The following NFIA variants were observed in gnomAD, a reference collection of about 807,000 sequenced individuals.
NFIA encodes the protein nuclear factor I A, also known as nuclear factor 1 A-type.
Under a neutral mutation model 62.8 loss-of-function variants are expected in NFIA, and 8 were observed. The ratio of observed to expected loss-of-function variants is 0.13; its 90% CI spans 0.07 to 0.23. The LOEUF is 0.23. NFIA is among the 10% of genes least tolerant of loss of function. The pLI is 1.00. For synonymous variants in NFIA, 235 were observed against 238.1 expected, an observed-to-expected ratio of 0.99 and a Z score of 0.12; for missense variants, 410 against 642.1, an observed-to-expected ratio of 0.64 and a Z score of 3.91.
chr1:61,177,843 CTT>C (rs1170279192), intron 2 of NFIA, among the ~76,000 whole-genome samples: 1 of 152,104 alleles, frequency 6.6e-6, no homozygotes, highest in African/African-American at 2.4e-5. Flanking sequence ...CATTTGCAAA[CTT>C]TATTTTTTGC....
intron 9 of NFIA, among the ~76,000 whole-genome samples, chr1:61,414,767 A>G (rs916335107): frequency 1.8e-4 from 28 of 152,172 alleles, no homozygotes; most frequent in Non-Finnish European, 2.2e-4. Flanking sequence ...AGTGGCTTCC[A>G]TTCGCGGAAC....
intron 3 of NFIA, among the ~76,000 whole-genome samples, chr1:61,309,032 A>G (rs560547827): frequency 4.8e-4 from 73 of 152,346 alleles, no homozygotes; most frequent in Admixed American, 1.5e-3. Context: ...TTCCATTTGC[A>G]CACTCATCAG....
intron 3 of NFIA, among the ~76,000 whole-genome samples, chr1:61,290,358 T>A (rs1658798122): frequency 6.6e-6 from 1 of 152,194 alleles, no homozygotes; most frequent in Non-Finnish European, 1.5e-5. Context: ...ATTCCCCATT[T>A]TTTGTGCAGT....
chr1:61,225,282 C>T (rs540779915), intron 2 of NFIA, among the ~76,000 whole-genome samples: 2 of 150,296 alleles, frequency 1.3e-5, no homozygotes, highest in South Asian at 2.1e-4. Flanking sequence ...GACTGAGTCT[C>T]GCTTTGTTGC....
chr1:61,140,696 C>T (rs867401605), intron 2 of NFIA, among the ~76,000 whole-genome samples: 2 of 152,130 alleles, frequency 1.3e-5, no homozygotes, highest in Non-Finnish European at 2.9e-5. Context: ...GCTATTACCT[C>T]TGGGCATTCT....
chr1:61,137,323 A>G (rs1647215557), intron 2 of NFIA, among the ~76,000 whole-genome samples: 1 of 152,200 alleles, frequency 6.6e-6, no homozygotes, highest in Non-Finnish European at 1.5e-5. Context: ...AATTTTGCAG[A>G]TAAGGAAAAA....
chr1:61,271,569 C>T (rs913493792), intron 2 of NFIA, among the ~76,000 whole-genome samples: 1 of 152,074 alleles, frequency 6.6e-6, no homozygotes, highest in Non-Finnish European at 1.5e-5. Context: ...AGCTGGCAGC[C>T]CCCAGGGTGG....
chr1:61,340,767 A>AT (rs112203732), intron 4 of NFIA, among the ~76,000 whole-genome samples: 6,310 of 152,268 alleles, frequency 0.041, 438 homozygotes, highest in African/African-American at 0.14. Context: ...CTAACAACCA[A>AT]TTATTAGAAG....
At chr1:61,438,852 G>A (rs186912975) in intron 10 of NFIA, among the ~76,000 whole-genome samples, 1 of 152,094 alleles carries the variant, frequency 6.6e-6, no homozygotes, top group Admixed American at 6.5e-5. Flanking sequence ...TTCTAATGGG[G>A]TGGTGATCCT....
chr1:61,086,368 C>T (rs546851994), intron 1 of NFIA, among the ~76,000 whole-genome samples: 14 of 152,196 alleles, frequency 9.2e-5, no homozygotes, highest in African/African-American at 3.4e-4. Flanking sequence ...GTGACTTGCC[C>T]CCCATGCCTG....
chr1:61,405,796 C>T (rs1187067880), intron 8 of NFIA, among the ~76,000 whole-genome samples: 7 of 152,238 alleles, frequency 4.6e-5, no homozygotes, highest in Middle Eastern at 3.4e-3. Flanking sequence ...TTTTATTGCT[C>T]TCTTTGGAGG....
At chr1:61,350,425 G>A (rs1417790221) in intron 4 of NFIA, among the ~76,000 whole-genome samples, 1 of 152,074 alleles carries the variant, frequency 6.6e-6, no homozygotes, top group African/African-American at 2.4e-5. Flanking sequence ...TAGACTGGAA[G>A]TTCAATACCA....
intron 2 of NFIA, among the ~76,000 whole-genome samples, chr1:61,230,587 C>T (rs543244719): frequency 2.1e-3 from 326 of 152,302 alleles, no homozygotes; most frequent in Non-Finnish European, 3.5e-3. Context: ...CCCAGTCTTT[C>T]CCAATCATCT....
At chr1:61,232,037 C>T (rs1483051333) in intron 2 of NFIA, among the ~76,000 whole-genome samples, 1 of 152,058 alleles carries the variant, frequency 6.6e-6, no homozygotes, top group African/African-American at 2.4e-5. Context: ...TTTTCAGTTT[C>T]TTGATTGAGG....
At chr1:61,082,879 C>CT (rs755910792) in intron 1 of NFIA, 61 bp downstream of exon 1, 1 of 799,456 alleles carries the variant, frequency 1.3e-6, no homozygotes. Context: ...AGGGCTGGGG[C>CT]TGGGTGGGGG....
intron 2 of NFIA, among the ~76,000 whole-genome samples, chr1:61,209,667 T>TACAACAACAACAACA (rs71756240): frequency 2.0e-5 from 3 of 147,988 alleles, no homozygotes; most frequent in African/African-American, 5.0e-5. Context: ...CTATGAAAAA[T>TACAACAACAACAACA]ACAACAACAA....
chr1:61,167,682 A>G (rs1243247774), intron 2 of NFIA, among the ~76,000 whole-genome samples: 1 of 152,248 alleles, frequency 6.6e-6, no homozygotes, highest in Non-Finnish European at 1.5e-5. Context: ...TAGAAGGGAC[A>G]AATCTACAAC....
rs1307352173 is a variant in NFIA, at chr1:61,461,058, A to G, written c.*5738A>G. ...CCTAGGGGACAAGCATGGGTGTTTG[A>G]TTTCAGAAATCAGTACCTGGCGAGA... On this transcript the variant is annotated 3_prime_UTR_variant, in exon 11 of 11. Transcript: ENST00000403491. 1 of 151,978 alleles carries G rather than the reference A, an allele frequency of 6.6e-6. No homozygotes were observed. Among genetic ancestry groups the G allele is most frequent in the African/African-American group, 2.4e-5 (1 of 41,368 alleles). The allele number at this position is 151,978 out of a possible 1,614,324, so 9.4% of individuals were successfully genotyped here.
At position 61,455,491 on chromosome 1, in the gene NFIA, G is replaced by C; in HGVS notation, c.*171G>C. The C allele has an allele frequency of 2.0e-6, 2 of 1,024,892 alleles. No homozygotes were observed. The highest frequency in any genetic ancestry group is 2.9e-6 in the Non-Finnish European group (2 of 685,940). The allele number at this position is 1,024,892 out of a possible 1,614,324, so 63.5% of individuals were successfully genotyped here. ...AAACAGCAAGCATTATGGTCAAACA[G>C]CAAAGGCCATAACCTTTTGGGATTT... On this transcript the variant is annotated 3_prime_UTR_variant, in exon 11 of 11. Transcript: ENST00000403491.
Sources: gnomAD v4.1 joint callset for allele counts (sites outside exome capture counted in the v4.1 genomes callset) on GRCh38, gnomAD v4.1.1 for gene constraint, MANE v1.5 for transcripts, NCBI Gene and HGNC (gene_info 2026-07-23, HGNC 2026-07-21) for gene names.